CERS5: variants seen among roughly 807,000 people sequenced by gnomAD.
CERS5 encodes ceramide synthase 5, also known as LAG1 homolog, ceramide synthase 5.
A neutral mutation model predicts 58.9 loss-of-function variants in CERS5; 37 were observed. That is an observed-to-expected ratio of 0.63 (90% CI 0.48 to 0.83). The LOEUF is 0.83. Ranked by LOEUF, CERS5 falls within the 40% of genes least tolerant of loss-of-function variation. The pLI is 0.00. For missense variants in CERS5, 398 were observed against 489.3 expected (o/e 0.81, Z 1.76); for synonymous variants, 147 against 177.8 (o/e 0.83, Z 1.38).
chr12:50,167,054 CCCCGGCCCGCG>C lies in CERS5; in HGVS notation c.197+36_197+46del, dbSNP rs1166336542. 9 of 1,417,758 alleles carry C rather than the reference CCCCGGCCCGCG, an allele frequency of 6.3e-6. No homozygotes were observed. In the Admixed American group the frequency reaches 7.6e-5, roughly 12 times the overall value. 87.8% of individuals were successfully genotyped at this position (1,417,758 alleles called of 1,614,324 possible). ...CTCGGCCCTTCCCACAGCGGGGCGC[CCCCGGCCCGCG>C]CCCGGCCCCCGAGCCGCTCGCTCCC... On this transcript the variant is annotated intron_variant, in intron 1 of 9. Transcript: ENST00000317551.
intron 1 of CERS5, among the ~76,000 whole-genome samples, chr12:50,155,705 C>A (rs1181735678): frequency 1.6e-5 from 2 of 128,626 alleles, no homozygotes; most frequent in Non-Finnish European, 3.1e-5. Flanking sequence ...CCACTGCACT[C>A]CAGCCTGGGC....
At chr12:50,145,600 A>G (rs1952223506) in intron 1 of CERS5, among the ~76,000 whole-genome samples, 1 of 152,188 alleles carries the variant, frequency 6.6e-6, no homozygotes, top group African/African-American at 2.4e-5. Flanking sequence ...CCTGAGCCAT[A>G]GAGTAATATT....
At position 50,148,249 on chromosome 12, in the gene CERS5, G is replaced by C. The variant is rs187576851; in HGVS notation, c.198-4192C>G. Among the ~76,000 whole-genome samples the C allele has an allele frequency of 2.2e-4, 33 of 152,040 alleles. No homozygotes were observed. The East Asian group carries it at 6.1e-3, about 28-fold the overall frequency. On this transcript the variant is annotated intron_variant, in intron 1 of 9. Transcript: ENST00000317551. ...GCCTGGGAGGTCGAGGCTGCAGTGGGCTGTGATTGCGCCACTGCACTTCAG... is the reference window on the plus strand; with the variant it reads ...GCCTGGGAGGTCGAGGCTGCAGTGGCCTGTGATTGCGCCACTGCACTTCAG...
intron 4 of CERS5, among the ~76,000 whole-genome samples, chr12:50,139,931 C>T (rs975463429): frequency 1.3e-5 from 2 of 152,130 alleles, no homozygotes; most frequent in Non-Finnish European, 2.9e-5. Flanking sequence ...CGCCATCTTG[C>T]CCAAGCTGAT....
chr12:50,153,861 G>A (rs1341918237), intron 1 of CERS5: 5 of 425,388 alleles, frequency 1.2e-5, no homozygotes, highest in Non-Finnish European at 1.9e-5. Context: ...GGCTGAGGCA[G>A]GAGAATCATT....
chr12:50,161,553 G>A (rs1478329954), intron 1 of CERS5, among the ~76,000 whole-genome samples: 1 of 152,024 alleles, frequency 6.6e-6, no homozygotes, highest in Non-Finnish European at 1.5e-5. Flanking sequence ...GAGGCAGGTG[G>A]ATCACTTGAG....
chr12:50,141,878 G>C (rs779301957), intron 4 of CERS5, among the ~76,000 whole-genome samples, 175 bp downstream of exon 4: 9 of 145,674 alleles, frequency 6.2e-5, no homozygotes, highest in Admixed American at 1.4e-4. Flanking sequence ...GGCAGAGGTT[G>C]CAAGTGAGCT....
intron 1 of CERS5, among the ~76,000 whole-genome samples, chr12:50,157,384 A>C (rs1374757263): frequency 6.6e-6 from 1 of 151,670 alleles, no homozygotes; most frequent in Non-Finnish European, 1.5e-5. Flanking sequence ...AGAAAAAAAA[A>C]CAGTAATTAC....
At chr12:50,133,025 A>T in intron 9 of CERS5, 1 of 1,289,196 alleles carries the variant, frequency 7.8e-7, no homozygotes, top group Admixed American at 2.3e-5. Flanking sequence ...GTGAGGAAAG[A>T]GTGGAGAGTA....
At chr12:50,157,697 A>G (rs1373834561) in intron 1 of CERS5, among the ~76,000 whole-genome samples, 1 of 152,168 alleles carries the variant, frequency 6.6e-6, no homozygotes, top group Non-Finnish European at 1.5e-5. Flanking sequence ...AGAATATTAG[A>G]TGAGGAAAAA....
At position 50,144,024 on chromosome 12, in the gene CERS5, G is replaced by A. The variant is rs1393348917; in HGVS notation, c.231C>T (p.Gly77=). The A allele has an allele frequency of 6.2e-7, 1 of 1,612,670 alleles. No individual in the cohort carries two copies. The highest frequency in any genetic ancestry group is 8.5e-7 in the Non-Finnish European group (1 of 1,178,786). ...FIAKPCALCI[G]IEDSGPYQAQ... is the part of the protein sequence containing the mutation. ...CCTGATAAGGACCACTGTCCTCGATGCCAATACAGAGTGCACAGGGTTTGG... is the reference window on the plus strand; with the variant it reads ...CCTGATAAGGACCACTGTCCTCGATACCAATACAGAGTGCACAGGGTTTGG... Residue 77 remains glycine (G), a synonymous_variant, in exon 2 of 10, where the codon GGC becomes GGT. Coordinates refer to ENST00000317551, the MANE Select transcript of CERS5 (RefSeq NM_147190.5).
At chr12:50,136,840 A>G (rs1951721566) in intron 6 of CERS5, among the ~76,000 whole-genome samples, 1 of 152,242 alleles carries the variant, frequency 6.6e-6, no homozygotes, top group Non-Finnish European at 1.5e-5. Context: ...TTGAGTTATC[A>G]GACACATCTA....
rs753998784 is a variant in CERS5, at chr12:50,137,793, A to G, written c.571T>C (p.Tyr191His). Reference sequence around the variant, plus strand: ...CAATAGAAGGCCAATTCCATGATATAATAGTGATAAAGCCCACTTGAAAGA... The same window carrying G: ...CAATAGAAGGCCAATTCCATGATATGATAGTGATAAAGCCCACTTGAAAGA... ...QPLSSGLYHY[Y>H]IMELAFYWSL... Residue 191 changes from tyrosine to histidine, a missense_variant, in exon 6 of 10, where the codon TAT becomes CAT. By Grantham distance (83) the Tyr-to-His change is moderately conservative. This residue lies in a region of CERS5 where 328 missense variants were observed against 384.5 expected (regional missense o/e 0.85). Coordinates refer to ENST00000317551, the MANE Select transcript of CERS5 (RefSeq NM_147190.5). 1 of 1,608,044 alleles carries G rather than the reference A, an allele frequency of 6.2e-7. No individual in the cohort carries two copies. The highest frequency in any genetic ancestry group is 8.5e-7 in the Non-Finnish European group (1 of 1,174,970).
chr12:50,137,692 A>C, intron 6 of CERS5, 36 bp downstream of exon 6: 4 of 1,133,598 alleles, frequency 3.5e-6, no homozygotes, highest in Non-Finnish European at 5.3e-6. Context: ...AGGAGGATGT[A>C]ATAAGTTGGG....
chr12:50,153,674 G>A (rs996548439), intron 1 of CERS5, among the ~76,000 whole-genome samples: 7 of 152,032 alleles, frequency 4.6e-5, no homozygotes, highest in Non-Finnish European at 8.8e-5. Context: ...TGTAATATAG[G>A]CCAGGCATGG....
chr12:50,164,266 A>C (rs1592457955), intron 1 of CERS5, among the ~76,000 whole-genome samples: 1 of 141,954 alleles, frequency 7.0e-6, no homozygotes, highest in African/African-American at 2.6e-5. Flanking sequence ...CGCTCTCCCA[A>C]TTTTTTTTTT....
intron 1 of CERS5, among the ~76,000 whole-genome samples, chr12:50,160,280 G>T (rs1939128196): frequency 6.7e-6 from 1 of 149,742 alleles, no homozygotes; most frequent in African/African-American, 2.5e-5. Flanking sequence ...ACTCTAGCCT[G>T]GGCAACAGAG....
chr12:50,136,658 GA>G (rs1377334678), intron 6 of CERS5, among the ~76,000 whole-genome samples: 1 of 152,096 alleles, frequency 6.6e-6, no homozygotes, highest in Non-Finnish European at 1.5e-5. Flanking sequence ...GACACTTGGG[GA>G]TAACATCCCA....
At chr12:50,155,685 C>A in intron 1 of CERS5, among the ~76,000 whole-genome samples, 1 of 118,920 alleles carries the variant, frequency 8.4e-6, no homozygotes. Context: ...TGCAGTGAGC[C>A]GAGATTGCGC....
Sources: gnomAD v4.1 joint callset for allele counts (sites outside exome capture counted in the v4.1 genomes callset) on GRCh38, gnomAD v4.1.1 for gene constraint, gnomAD v4.1.1 regional missense constraint, MANE v1.5 for transcripts, NCBI Gene and HGNC (gene_info 2026-07-23, HGNC 2026-07-21) for gene names.